The following CTIF variants were observed in gnomAD, a reference collection of about 807,000 sequenced individuals.
CTIF encodes the protein cap binding complex dependent translation initiation factor.
In CTIF, 21 loss-of-function variants were observed where a neutral mutation model predicts 66.0. The ratio of observed to expected loss-of-function variants is 0.32; its 90% CI spans 0.23 to 0.46. The LOEUF is 0.46. CTIF is among the 20% of genes least tolerant of loss of function. The probability of loss-of-function intolerance (pLI) is 1.00; values close to 1 mark genes in which losing one functional copy is unlikely to be tolerated. For missense variants in CTIF, 739 were observed against 812.7 expected, an observed-to-expected ratio of 0.91 and a Z score of 1.10; for synonymous variants, 345 against 326.4, an observed-to-expected ratio of 1.06 and a Z score of -0.62.
At chr18:48,601,463 C>T (rs1036659986) in intron 1 of CTIF, among the ~76,000 whole-genome samples, 1 of 152,220 alleles carries the variant, frequency 6.6e-6, no homozygotes, top group African/African-American at 2.4e-5. Flanking sequence ...AGCTGTCCCC[C>T]CGAGGGTCCT....
At chr18:48,799,708 T>C (rs527398535) in intron 9 of CTIF, among the ~76,000 whole-genome samples, 1 of 152,320 alleles carries the variant, frequency 6.6e-6, no homozygotes, top group East Asian at 1.9e-4. Context: ...CACCTCTCTC[T>C]GTGCACCCAG....
At chr18:48,541,033 G>T (rs865981282) in intron 1 of CTIF, among the ~76,000 whole-genome samples, 4 of 152,308 alleles carry the variant, frequency 2.6e-5, no homozygotes, top group African/African-American at 9.6e-5. Flanking sequence ...ACCCGGCGGC[G>T]CGGGGGGTTG....
intron 6 of CTIF, among the ~76,000 whole-genome samples, chr18:48,700,933 A>G (rs2092076646): frequency 6.6e-6 from 1 of 152,198 alleles, no homozygotes; most frequent in Admixed American, 6.5e-5. Context: ...GAGTTGGTTG[A>G]TGCTTCAGTT....
rs55736199 is a variant in CTIF at position 48,558,116 on chromosome 18, A to G, written c.-29+18804A>G. Among the ~76,000 whole-genome samples the G allele has an allele frequency of 2.5e-4, 38 of 152,218 alleles. 1 individual carries two copies. The highest frequency in any genetic ancestry group is 8.7e-4 in the African/African-American group (36 of 41,532). ...ACTCTTGTTGCTCAGGCTGGAGTAT[A>G]TTCCCTTTCTGTGCCTTAAGGAATG... On this transcript the variant is annotated intron_variant, in intron 1 of 11. Transcript: ENST00000256413.
At chr18:48,850,921 T>C (rs2069185569) in intron 10 of CTIF, among the ~76,000 whole-genome samples, 1 of 152,240 alleles carries the variant, frequency 6.6e-6, no homozygotes, top group Admixed American at 6.5e-5. Flanking sequence ...GCCCTTCCTG[T>C]GCTCTCTGCG....
intron 1 of CTIF, among the ~76,000 whole-genome samples, chr18:48,601,758 C>T (rs2144140706): frequency 6.6e-6 from 1 of 152,320 alleles, no homozygotes; most frequent in Admixed American, 6.5e-5. Flanking sequence ...TGCTCTAAAA[C>T]ACTTTTGTTT....
intron 6 of CTIF, among the ~76,000 whole-genome samples, chr18:48,704,713 C>A (rs1213728703): frequency 6.6e-6 from 1 of 152,206 alleles, no homozygotes; most frequent in South Asian, 2.1e-4. Context: ...CGGACCGGGG[C>A]CCCACACATG....
At chr18:48,677,250 G>A (rs1409034411) in intron 6 of CTIF, among the ~76,000 whole-genome samples, 2 of 152,164 alleles carry the variant, frequency 1.3e-5, no homozygotes, top group Non-Finnish European at 2.9e-5. Context: ...CTGTGCACCG[G>A]CGACTGTTGC....
At chr18:48,745,887 C>G (rs535352039) in intron 7 of CTIF, among the ~76,000 whole-genome samples, 1 of 152,336 alleles carries the variant, frequency 6.6e-6, no homozygotes, top group Non-Finnish European at 1.5e-5. Flanking sequence ...ATCAGTTCCA[C>G]CAGCCCTGGC....
chr18:48,591,954 G>C lies in CTIF; in HGVS notation c.-28-27584G>C, dbSNP rs568955604. Among the ~76,000 whole-genome samples, 4 of 152,222 alleles carry C rather than the reference G, an allele frequency of 2.6e-5. No homozygotes were observed. The East Asian group carries it at 5.8e-4, about 22-fold the overall frequency. On this transcript the variant is annotated intron_variant, in intron 1 of 11. Transcript: ENST00000256413. ...TTTTGTAGAGATGGGATCTCACTTTGCTGCCCCAGCTGGTCTCAAGTTCCT... is the reference window on the plus strand; with the variant it reads ...TTTTGTAGAGATGGGATCTCACTTTCCTGCCCCAGCTGGTCTCAAGTTCCT...
At chr18:48,741,509 C>T (rs772012201) in intron 7 of CTIF, among the ~76,000 whole-genome samples, 33 of 150,796 alleles carry the variant, frequency 2.2e-4, no homozygotes, top group East Asian at 2.0e-4. Context: ...CTGCAACCTC[C>T]GCCCCCCAGG....
At chr18:48,644,766 C>A (rs1223183239) in intron 3 of CTIF, among the ~76,000 whole-genome samples, 1 of 152,178 alleles carries the variant, frequency 6.6e-6, no homozygotes, top group African/African-American at 2.4e-5. Flanking sequence ...GAGGAGTAGG[C>A]TGGTGTCCGC....
chr18:48,828,903 C>T (rs2068636416), intron 10 of CTIF, among the ~76,000 whole-genome samples: 5 of 152,216 alleles, frequency 3.3e-5, no homozygotes, highest in Admixed American at 3.3e-4. Context: ...CTTGCCCTCC[C>T]ATCTCCTTCC....
intron 1 of CTIF, among the ~76,000 whole-genome samples, chr18:48,564,258 G>A (rs1165458494): frequency 6.6e-6 from 1 of 152,204 alleles, no homozygotes; most frequent in African/African-American, 2.4e-5. Context: ...ACCCAGACGT[G>A]TTGCCTGCCA....
chr18:48,724,037 C>T (rs1049691687), intron 7 of CTIF, among the ~76,000 whole-genome samples: 2 of 152,174 alleles, frequency 1.3e-5, no homozygotes, highest in African/African-American at 4.8e-5. Context: ...GAAGTTGTCC[C>T]CTGGGTGCTT....
intron 1 of CTIF, among the ~76,000 whole-genome samples, chr18:48,589,943 T>C (rs545844101): frequency 6.6e-6 from 1 of 152,264 alleles, no homozygotes; most frequent in East Asian, 1.9e-4. Context: ...CGTGCGGTCA[T>C]GCGTCCCTCA....
intron 10 of CTIF, among the ~76,000 whole-genome samples, chr18:48,819,975 A>T (rs1046988449): frequency 6.6e-5 from 10 of 151,462 alleles, no homozygotes; most frequent in Non-Finnish European, 2.9e-5. Flanking sequence ...AGGCCGGAGG[A>T]TGGAAGGAAG....
chr18:48,560,052 GA>G (rs2089117798), intron 1 of CTIF, among the ~76,000 whole-genome samples: 1 of 152,066 alleles, frequency 6.6e-6, no homozygotes, highest in South Asian at 2.1e-4. Flanking sequence ...CAAGAAACAG[GA>G]AGGAGAGACG....
intron 9 of CTIF, among the ~76,000 whole-genome samples, chr18:48,790,532 C>T (rs2067769403): frequency 6.6e-6 from 1 of 152,256 alleles, no homozygotes; most frequent in African/African-American, 2.4e-5. Context: ...GCCCCCTCCC[C>T]ATCCCCCGGA....
Sources: allele counts gnomAD v4.1 joint callset (sites outside exome capture counted in the v4.1 genomes callset), GRCh38; gene constraint gnomAD v4.1.1; transcripts MANE v1.5; gene names NCBI Gene and HGNC (gene_info 2026-07-23, HGNC 2026-07-21).